GSK3B: variants seen among roughly 807,000 people sequenced by gnomAD.
GSK3B encodes glycogen synthase kinase-3 beta.
Under a neutral mutation model 56.4 loss-of-function variants are expected in GSK3B, and 15 were observed. The ratio of observed to expected loss-of-function variants is 0.27; its 90% CI spans 0.18 to 0.41. The LOEUF (loss-of-function observed/expected upper bound fraction) is 0.41, where lower values mean the gene tolerates loss of function less well. Among genes scored for constraint, GSK3B ranks in the 10% least tolerant of loss-of-function variants. The pLI is 1.00. For missense variants in GSK3B, 300 were observed against 513.4 expected, an observed-to-expected ratio of 0.58 and a Z score of 4.02; for synonymous variants, 181 against 188.9, an observed-to-expected ratio of 0.96 and a Z score of 0.34.
chr3:120,066,129 T>A (rs894901483), intron 1 of GSK3B, among the ~76,000 whole-genome samples: 16 of 152,104 alleles, frequency 1.1e-4, no homozygotes, highest in South Asian at 2.1e-4. Context: ...CACAATTTTT[T>A]AAAAAATCAC....
intron 1 of GSK3B, 105 bp from the exon 2 acceptor site, chr3:120,002,344 A>ATTT: frequency 1.1e-5 from 5 of 451,552 alleles, no homozygotes; most frequent in African/African-American, 2.1e-5. Flanking sequence ...TTTTTATTTT[A>ATTT]TTTTTTTTTT....
intron 1 of GSK3B, chr3:120,029,041 T>G: frequency 1.5e-6 from 1 of 671,470 alleles, no homozygotes; most frequent in Non-Finnish European, 2.7e-6. Context: ...AAAATCTTTA[T>G]TTTTTACTGT....
chr3:119,985,315 T>C (rs112482211), intron 2 of GSK3B, among the ~76,000 whole-genome samples: 4 of 152,254 alleles, frequency 2.6e-5, no homozygotes, highest in Non-Finnish European at 4.4e-5. Flanking sequence ...CTATTCAACA[T>C]AGTGTTGGAA....
chr3:119,917,080 T>C (rs1018089593), intron 4 of GSK3B, among the ~76,000 whole-genome samples: 7 of 152,074 alleles, frequency 4.6e-5, no homozygotes, highest in Admixed American at 6.6e-5. Flanking sequence ...AGTTACACCA[T>C]GGACAGAATT....
At chr3:120,048,017 A>C (rs1050136186) in intron 1 of GSK3B, among the ~76,000 whole-genome samples, 3 of 152,214 alleles carry the variant, frequency 2.0e-5, no homozygotes, top group African/African-American at 7.2e-5. Context: ...TGATTACCAC[A>C]ATTGTTAATA....
At chr3:119,893,537 A>G (rs1263280078) in intron 7 of GSK3B, among the ~76,000 whole-genome samples, 1 of 152,126 alleles carries the variant, frequency 6.6e-6, no homozygotes, top group Non-Finnish European at 1.5e-5. Flanking sequence ...AACTTCAGTG[A>G]TTTTCATCAT....
At chr3:120,091,550 G>A (rs2058512445) in intron 1 of GSK3B, among the ~76,000 whole-genome samples, 1 of 152,060 alleles carries the variant, frequency 6.6e-6, no homozygotes, top group African/African-American at 2.4e-5. Context: ...ACAGATCTCT[G>A]AAATAAAGCT....
At chr3:120,033,927 T>C (rs1337337540) in intron 1 of GSK3B, among the ~76,000 whole-genome samples, 1 of 152,178 alleles carries the variant, frequency 6.6e-6, no homozygotes, top group Non-Finnish European at 1.5e-5. Context: ...TTAAACCTCT[T>C]TTCTTCATAA....
At chr3:120,083,419 C>G (rs1480617839) in intron 1 of GSK3B, among the ~76,000 whole-genome samples, 2 of 151,748 alleles carry the variant, frequency 1.3e-5, no homozygotes, top group East Asian at 1.9e-4. Flanking sequence ...AAGAAAGGGG[C>G]AGGAGGCAGG....
At chr3:120,087,916 A>G (rs113392759) in intron 1 of GSK3B, among the ~76,000 whole-genome samples, 4,176 of 151,954 alleles carry the variant, frequency 0.027, 181 homozygotes, top group African/African-American at 0.092. Flanking sequence ...TTTTTGAGAC[A>G]GAGTCTCTCT....
chr3:119,926,811 A>C (rs552907532), intron 3 of GSK3B, among the ~76,000 whole-genome samples: 2 of 152,244 alleles, frequency 1.3e-5, no homozygotes, highest in South Asian at 4.1e-4. Context: ...ACATGCTCAA[A>C]GCTCATTTGT....
At chr3:120,062,952 A>G (rs1028300643) in intron 1 of GSK3B, among the ~76,000 whole-genome samples, 1 of 152,226 alleles carries the variant, frequency 6.6e-6, no homozygotes, top group Non-Finnish European at 1.5e-5. Context: ...CAAACATGCA[A>G]AAAATATGTA....
At chr3:120,077,301 T>G (rs1048806968) in intron 1 of GSK3B, among the ~76,000 whole-genome samples, 5 of 152,142 alleles carry the variant, frequency 3.3e-5, no homozygotes, top group African/African-American at 1.2e-4. Context: ...TGGTTAAACT[T>G]CAGTGTGTGT....
At chr3:119,964,707 G>A (rs1180797577) in intron 2 of GSK3B, among the ~76,000 whole-genome samples, 30 of 152,088 alleles carry the variant, frequency 2.0e-4, no homozygotes. Context: ...TTAACAAGGT[G>A]AACTTTTGAA....
intron 10 of GSK3B, among the ~76,000 whole-genome samples, chr3:119,832,022 G>A (rs557862686): frequency 1.3e-5 from 2 of 152,314 alleles, no homozygotes; most frequent in East Asian, 3.9e-4. Context: ...CATGCCTAAT[G>A]CAGTCCATTC....
intron 1 of GSK3B, among the ~76,000 whole-genome samples, chr3:120,071,354 T>G (rs2058324828): frequency 6.6e-6 from 1 of 152,208 alleles, no homozygotes; most frequent in South Asian, 2.1e-4. Flanking sequence ...TCCTATATAT[T>G]AAACGCTATA....
intron 9 of GSK3B, among the ~76,000 whole-genome samples, chr3:119,847,900 A>G (rs2055876589): frequency 1.3e-5 from 2 of 152,238 alleles, no homozygotes; most frequent in Non-Finnish European, 2.9e-5. Flanking sequence ...GGATGTACTG[A>G]CCAACCTATC....
intron 2 of GSK3B, among the ~76,000 whole-genome samples, chr3:119,972,318 G>T (rs1040005742): frequency 6.6e-6 from 1 of 152,140 alleles, no homozygotes; most frequent in Non-Finnish European, 1.5e-5. Flanking sequence ...ATCAAGATGG[G>T]CTTCATTTCT....
chr3:119,841,846 G>T (rs1031853743), intron 10 of GSK3B, among the ~76,000 whole-genome samples: 5 of 152,226 alleles, frequency 3.3e-5, no homozygotes, highest in Admixed American at 2.6e-4. Flanking sequence ...GAACTAGAAT[G>T]AAATGTTTTA....
Sources: allele counts gnomAD v4.1 joint callset (sites outside exome capture counted in the v4.1 genomes callset), GRCh38; gene constraint gnomAD v4.1.1; transcripts MANE v1.5; gene names NCBI Gene and HGNC (gene_info 2026-07-23, HGNC 2026-07-21).